MYH14: variants seen among roughly 807,000 people sequenced by gnomAD.
MYH14 encodes myosin-14.
Under a neutral mutation model 255.5 loss-of-function variants are expected in MYH14, and 123 were observed. That is an observed-to-expected ratio of 0.48 (90% CI 0.42 to 0.56). The LOEUF (loss-of-function observed/expected upper bound fraction) is 0.56. MYH14 is among the 20% of genes least tolerant of loss of function. The pLI is 0.00. For missense variants in MYH14, 2,423 were observed against 2,802.3 expected (o/e 0.86, Z 3.06); for synonymous variants, 1,095 against 1,161.2 (o/e 0.94, Z 1.16).
intron 10 of MYH14, among the ~76,000 whole-genome samples, chr19:50,232,878 A>G (rs370134455): frequency 1.3e-5 from 2 of 152,052 alleles, no homozygotes; most frequent in African/African-American, 4.8e-5. Flanking sequence ...GGGAGTCTCA[A>G]ACGCCAGCCT....
At chr19:50,241,415 C>G (rs1158933879) in intron 10 of MYH14, among the ~76,000 whole-genome samples, 1 of 151,770 alleles carries the variant, frequency 6.6e-6, no homozygotes, top group Non-Finnish European at 1.5e-5. Flanking sequence ...AGCCTGATGA[C>G]ACAGCAAGAC....
At chr19:50,212,081 G>C (rs2032226512) in intron 2 of MYH14, among the ~76,000 whole-genome samples, 1 of 152,188 alleles carries the variant, frequency 6.6e-6, no homozygotes, top group African/African-American at 2.4e-5. Context: ...CTAAGCATTG[G>C]AGGTTCGTTG....
chr19:50,308,226 A>G (rs1436448761), intron 41 of MYH14: 3 of 152,180 alleles, frequency 2.0e-5, no homozygotes, highest in Non-Finnish European at 4.4e-5. Flanking sequence ...AAGAATAGAA[A>G]TACGTTTGGT....
rs930086 is a variant in MYH14, at chr19:50,268,378, T to C, written c.3033+11T>C. ...CAGCAGCACATACAGGTCTGGCCCCTTGCATGCCCACCAGGCCACCCTCCA... is the reference window on the plus strand; with the variant it reads ...CAGCAGCACATACAGGTCTGGCCCCCTGCATGCCCACCAGGCCACCCTCCA... On this transcript the variant is annotated intron_variant, in intron 24 of 42. Transcript: ENST00000642316. The C allele has an allele frequency of 0.87, 1,359,695 of 1,555,034 alleles. 594,557 individuals carry two copies. Among genetic ancestry groups the C allele is most frequent in the Admixed American group, 0.9 (46,560 of 51,732 alleles).
Position 50,291,018 on chromosome 19 carries a change from G to A in MYH14, c.5097G>A (p.Glu1699=). 1.9e-6 allele frequency: 3 copies of A among 1,613,020 alleles called. No individual in the cohort carries two copies. Among genetic ancestry groups the A allele is most frequent in the Non-Finnish European group, 2.5e-6 (3 of 1,179,660 alleles). The part of the protein sequence containing the change: ...AQMASAGQGK[E]EAVKQLRKMQ... ...TGGCCTCTGCCGGCCAGGGCAAGGA[G>A]GAGGCGGTGAAGCAGCTTCGCAAGA... The change falls in exon 36 of 43, where the codon GAG becomes GAA. Residue 1699 remains glutamate, a synonymous_variant. Transcript: ENST00000642316.
chr19:50,289,936 T>C (rs1335215622), intron 35 of MYH14, among the ~76,000 whole-genome samples: 1 of 151,928 alleles, frequency 6.6e-6, no homozygotes, highest in Non-Finnish European at 1.5e-5. Flanking sequence ...CCCAACCCAT[T>C]AACCTGCCAT....
rs773197135 is a variant in MYH14 at position 50,210,506 on chromosome 19, G to A, written c.141G>A (p.Gln47=). The A allele has an allele frequency of 4.5e-6, 7 of 1,567,470 alleles. No homozygotes were observed. Among genetic ancestry groups the A allele is most frequent in the Non-Finnish European group, 6.0e-6 (7 of 1,158,334 alleles). ...GGGPGSGTSP[Q]VEWTARRLVW... ...GGCCTGGCTCGGGCACCTCCCCGCA[G>A]GTGGAGTGGACGGCCCGGCGTCTCG... The change falls in exon 2 of 43, where the codon CAG becomes CAA. Residue 47 remains glutamine (Q), a synonymous_variant. Coordinates refer to ENST00000642316, the MANE Select transcript of MYH14 (RefSeq NM_001145809.2).
At chr19:50,260,821 A>AGG (rs1555768470) in intron 20 of MYH14, 106 bp downstream of exon 20, 3 of 765,126 alleles carry the variant, frequency 3.9e-6, no homozygotes, top group East Asian at 6.0e-5. Flanking sequence ...GTGTGTGTGC[A>AGG]AGTGTGTGTG....
chr19:50,295,323 TCAAAA>T (rs987107137), intron 39 of MYH14, among the ~76,000 whole-genome samples: 5 of 150,640 alleles, frequency 3.3e-5, no homozygotes, highest in African/African-American at 1.2e-4. Flanking sequence ...AGACTCCATC[TCAAAA>T]CAAAAAACAA....
At position 50,230,992 on chromosome 19, in the gene MYH14, C is replaced by G. The variant is rs546508406; in HGVS notation, c.973+369C>G. On this transcript the variant is annotated intron_variant, in intron 9 of 42. Transcript: ENST00000642316. This position sits in a 1 kb window ranked among gnomAD's most constrained non-coding sequence, Gnocchi z 4.7. ...TGCTGAGGCTCCTCCTGGTTCCTGA[C>G]GACGCTGGTTTGTGTTGCTTCTCGG... The G allele has an allele frequency of 7.4e-6, 2 of 269,170 alleles. No individual in the cohort carries two copies. Among genetic ancestry groups the G allele is most frequent in the South Asian group, 9.1e-5 (2 of 22,016 alleles). 16.7% of individuals were successfully genotyped at this position (269,170 alleles called of 1,614,324 possible). A position where few individuals can be genotyped will look rare whatever the true frequency, so the allele number is the denominator to read the frequency against.
chr19:50,214,496 G>A lies in MYH14; in HGVS notation c.406-3119G>A, dbSNP rs531841314. 1.6e-4 allele frequency among the ~76,000 whole-genome samples: 25 copies of A among 152,148 alleles called. No individual in the cohort carries two copies. In the South Asian group the frequency reaches 2.1e-3, roughly 13 times the overall value. On this transcript the variant is annotated intron_variant, in intron 2 of 42. Coordinates refer to ENST00000642316, the MANE Select transcript of MYH14 (RefSeq NM_001145809.2). ...CTTGGGGCAGGGAGGGAACCCCTTC[G>A]TAGAACACCCCGCTCTGAGAAACAC...
intron 20 of MYH14, among the ~76,000 whole-genome samples, 171 bp downstream of exon 20, chr19:50,260,886 CAT>C (rs963416768): frequency 6.8e-6 from 1 of 147,930 alleles, no homozygotes; most frequent in African/African-American, 2.5e-5. Flanking sequence ...CGTGTGTGTG[CAT>C]GTGTGTGTGT....
At position 50,250,159 on chromosome 19, in the gene MYH14, G is replaced by A. The variant is rs1452468156; in HGVS notation, c.1656+336G>A. On this transcript the variant is annotated intron_variant, in intron 14 of 42. Transcript: ENST00000642316. The surrounding 1 kb of genome is among the most constrained non-coding windows in gnomAD (Gnocchi z 5.4). The stretch of plus-strand genomic sequence containing the variant: ...TCTATCGCCCAGGCTGGAGTGCAGC[G>A]GCGCGATCTCTGCTTACTGCAAGCT... 1.3e-5 allele frequency among the ~76,000 whole-genome samples: 2 copies of A among 152,090 alleles called. No homozygotes were observed. The highest frequency in any genetic ancestry group is 2.9e-5 in the Non-Finnish European group (2 of 68,026).
In MYH14 at chr19:50,279,395, C is replaced by T. The variant is rs572653929; in HGVS notation, c.4033-642C>T. On this transcript the variant is annotated intron_variant, in intron 30 of 42. Transcript: ENST00000642316. ...GCCTGTAATCCCAGCACTTTGGCAG[C>T]GGAGGCGGGTGGGTCACCTGAGGTC... Among the ~76,000 whole-genome samples, 8 of 152,246 alleles carry T rather than the reference C, an allele frequency of 5.3e-5. No individual in the cohort carries two copies. In the East Asian group the frequency reaches 7.7e-4, roughly 15 times the overall value.
chr19:50,229,670 CAA>C (rs2033278841), intron 8 of MYH14, among the ~76,000 whole-genome samples: 1 of 151,998 alleles, frequency 6.6e-6, no homozygotes, highest in Non-Finnish European at 1.5e-5. Flanking sequence ...ACAAAACAAA[CAA>C]AAGTCTTGCC....
At chr19:50,229,979 A>G (rs564784702) in intron 8 of MYH14, among the ~76,000 whole-genome samples, 1 of 152,212 alleles carries the variant, frequency 6.6e-6, no homozygotes, top group Admixed American at 6.5e-5. Flanking sequence ...CAGTGGCGCA[A>G]TCTCGGCTCA....
At position 50,230,462 on chromosome 19, in the gene MYH14, GT is replaced by G; in HGVS notation, c.875-62del. ...GGCAGCGTGGGCAGGGCAGGCTCCTGTAGTGGCCTGGCAGCGTCGGGGCCGT... is the reference window on the plus strand; with the variant it reads ...GGCAGCGTGGGCAGGGCAGGCTCCTGAGTGGCCTGGCAGCGTCGGGGCCGT... On this transcript the variant is annotated intron_variant, in intron 8 of 42. Coordinates refer to ENST00000642316, the MANE Select transcript of MYH14 (RefSeq NM_001145809.2). This position sits in a 1 kb window ranked among gnomAD's most constrained non-coding sequence, Gnocchi z 4.7. 7.1e-7 allele frequency: 1 copy of G among 1,414,974 alleles called. No homozygotes were observed. The highest frequency in any genetic ancestry group is 9.8e-7 in the Non-Finnish European group (1 of 1,024,378). 87.7% of individuals were successfully genotyped at this position (1,414,974 alleles called of 1,614,324 possible).
Position 50,224,155 on chromosome 19 carries a change from C to G in MYH14, c.695C>G (p.Ala232Gly), listed in dbSNP as rs1236771591. The G allele has an allele frequency of 1.2e-6, 2 of 1,613,696 alleles. No individual in the cohort carries two copies. Among genetic ancestry groups the G allele is most frequent in the Non-Finnish European group, 1.7e-6 (2 of 1,179,792 alleles). The part of the protein sequence containing the change: ...PKGRKEPGVP[A>G]SVSTVSYGEL... ...TCTCGTGTCCCGTGACTTCCTCAGG[C>G]CTCCGTCAGCACCGTGTCTTATGTG... The change falls in exon 6 of 43, where the codon GCC becomes GGC. Residue 232 changes from alanine (A) to glycine (G), a missense_variant and splice_region_variant. Ala to Gly is a moderately conservative substitution (Grantham distance 60, BLOSUM62 0). Transcript: ENST00000642316.
chr19:50,283,619 A>G (rs2035794997), intron 33 of MYH14, among the ~76,000 whole-genome samples: 1 of 152,108 alleles, frequency 6.6e-6, no homozygotes, highest in Non-Finnish European at 1.5e-5. Flanking sequence ...GTCTTTCTCA[A>G]AGGTGGTTTT....
Sources: gnomAD v4.1 joint callset for allele counts (sites outside exome capture counted in the v4.1 genomes callset) on GRCh38, gnomAD v4.1.1 for gene constraint, Gnocchi (gnomAD v3.1) non-coding constraint, MANE v1.5 for transcripts, NCBI Gene and HGNC (gene_info 2026-07-23, HGNC 2026-07-21) for gene names.